Variants in MICOS10 observed in about 807,000 individuals in gnomAD.
The protein encoded by MICOS10 is mitochondrial contact site and cristae organizing system subunit 10, also known as MICOS complex subunit MIC10.
Under a neutral mutation model 13.4 loss-of-function variants are expected in MICOS10, and 5 were observed. That is an observed-to-expected ratio of 0.37 (90% CI 0.20 to 0.78). The LOEUF (loss-of-function observed/expected upper bound fraction) is 0.78, where lower values mean the gene tolerates loss of function less well. Ranked by LOEUF, MICOS10 falls within the 30% of genes least tolerant of loss-of-function variation. MICOS10 has a pLI of 0.47. For missense variants in MICOS10, 101 were observed against 94.6 expected, an observed-to-expected ratio of 1.07 and a Z score of -0.28; for synonymous variants, 35 against 33.6, an observed-to-expected ratio of 1.04 and a Z score of -0.15.
rs1399684641 is a variant in MICOS10, at chr1:19,628,928, C to G, written c.*2527C>G. On this transcript the variant is annotated 3_prime_UTR_variant, in exon 4 of 4. Coordinates refer to ENST00000322753, the MANE Select transcript of MICOS10 (RefSeq NM_001032363.4). ...ATGGATCCCTTTGGCACCTTGGAAG[C>G]ACCACTGAAGTGCTCTGAGAAAGGG... 6.6e-6 allele frequency: 1 copy of G among 152,258 alleles called. No homozygotes were observed. Among genetic ancestry groups the G allele is most frequent in the East Asian group, 1.9e-4 (1 of 5,198 alleles). The allele number at this position is 152,258 out of a possible 1,614,324, so 9.4% of individuals were successfully genotyped here.
chr1:19,606,302 A>C (rs1278274713), intron 1 of MICOS10, among the ~76,000 whole-genome samples: 1 of 151,602 alleles, frequency 6.6e-6, no homozygotes, highest in Non-Finnish European at 1.5e-5. Flanking sequence ...CAGAGAGGGG[A>C]ATAACATTTT....
chr1:19,624,865 C>T (rs968867186), intron 3 of MICOS10, among the ~76,000 whole-genome samples: 2 of 152,110 alleles, frequency 1.3e-5, no homozygotes, highest in Admixed American at 6.5e-5. Flanking sequence ...GAGGTAAGTG[C>T]CGATGGCCTC....
chr1:19,622,525 T>G (rs1436116655), intron 2 of MICOS10, among the ~76,000 whole-genome samples: 1 of 152,228 alleles, frequency 6.6e-6, no homozygotes, highest in East Asian at 1.9e-4. Flanking sequence ...TAGAAACAAG[T>G]AGACCAGAAA....
At chr1:19,607,793 G>A (rs2094840968) in intron 1 of MICOS10, among the ~76,000 whole-genome samples, 1 of 152,200 alleles carries the variant, frequency 6.6e-6, no homozygotes, top group African/African-American at 2.4e-5. Context: ...GAACAAAGTT[G>A]AGATTCTTGT....
chr1:19,614,678 T>C (rs1339934946), intron 1 of MICOS10: 23 of 152,272 alleles, frequency 1.5e-4, no homozygotes, highest in Admixed American at 1.5e-3. Context: ...ATGCTCTTCC[T>C]TTCCAAGCAA....
At chr1:19,612,137 G>A (rs1245970520) in intron 1 of MICOS10, among the ~76,000 whole-genome samples, 2 of 151,084 alleles carry the variant, frequency 1.3e-5, no homozygotes, top group Non-Finnish European at 2.9e-5. Flanking sequence ...CTGCCTTCTG[G>A]GTTCACGCCA....
Position 19,627,295 on chromosome 1 carries a change from T to C in MICOS10, c.*894T>C, listed in dbSNP as rs764710578. The C allele has an allele frequency of 2.6e-5, 4 of 152,220 alleles. No individual in the cohort carries two copies. Among genetic ancestry groups the C allele is most frequent in the South Asian group, 2.1e-4 (1 of 4,828 alleles). 9.4% of individuals were successfully genotyped at this position (152,220 alleles called of 1,614,324 possible). ...GAACCCCAGCGCTCAGCCGTTCTTA[T>C]TTCTTTTTCCTTATCGTAGAATTAA... On this transcript the variant is annotated 3_prime_UTR_variant, in exon 4 of 4. Coordinates refer to ENST00000322753, the MANE Select transcript of MICOS10 (RefSeq NM_001032363.4).
rs948759097 is a variant in MICOS10, at chr1:19,619,121, A to T, written c.65-2979A>T. On this transcript the variant is annotated intron_variant, in intron 1 of 3. Transcript: ENST00000322753. ...CTATTATAGAAATATTTCAAAGTGA[A>T]TTTCTGTTTCTGTTCCTCTTCAGTG... 2.6e-5 allele frequency among the ~76,000 whole-genome samples: 4 copies of T among 152,270 alleles called. No homozygotes were observed. The South Asian group carries it at 8.3e-4, about 32-fold the overall frequency.
At chr1:19,601,272 T>C (rs2094813803) in intron 1 of MICOS10, 2 of 316,404 alleles carry the variant, frequency 6.3e-6, no homozygotes, top group Admixed American at 7.9e-5. Flanking sequence ...TTGCCCCCAT[T>C]ACTATCTTAA....
intron 1 of MICOS10, among the ~76,000 whole-genome samples, chr1:19,612,913 G>T (rs1208576302): frequency 6.6e-6 from 1 of 152,188 alleles, no homozygotes; most frequent in African/African-American, 2.4e-5. Context: ...TGCCTTTTCT[G>T]TTTATCTTTG....
At chr1:19,623,790 T>C in intron 3 of MICOS10, 1 of 504,622 alleles carries the variant, frequency 2.0e-6, no homozygotes, top group Non-Finnish European at 3.5e-6. Flanking sequence ...CGTATGTACG[T>C]TCAGATATAT....
At chr1:19,597,336 GC>G (rs1213395797) in intron 1 of MICOS10, among the ~76,000 whole-genome samples, 19 of 152,200 alleles carry the variant, frequency 1.2e-4, no homozygotes, top group African/African-American at 4.3e-4. Context: ...TGGAGTTGCA[GC>G]CCGGAGGAGG....
chr1:19,602,143 A>G (rs1002400122), intron 1 of MICOS10, among the ~76,000 whole-genome samples: 2 of 152,212 alleles, frequency 1.3e-5, no homozygotes, highest in Non-Finnish European at 2.9e-5. Flanking sequence ...CATAAGAACC[A>G]GAGGCTGTTG....
intron 3 of MICOS10, 150 bp from the exon 4 acceptor site, chr1:19,626,237 G>A: frequency 1.2e-6 from 1 of 829,444 alleles, no homozygotes; most frequent in Non-Finnish European, 2.0e-6. Flanking sequence ...TAGGTAGGGT[G>A]TACATAGTCC....
At chr1:19,620,182 T>G (rs75468773) in intron 1 of MICOS10, among the ~76,000 whole-genome samples, 1 of 152,274 alleles carries the variant, frequency 6.6e-6, no homozygotes, top group Non-Finnish European at 1.5e-5. Context: ...CTTTTCCATG[T>G]TGGTTTGTTT....
intron 1 of MICOS10, among the ~76,000 whole-genome samples, chr1:19,611,575 G>T (rs1342441449): frequency 6.8e-6 from 1 of 147,102 alleles, no homozygotes; most frequent in African/African-American, 2.5e-5. Flanking sequence ...CTGGACTCCA[G>T]TGACGTCCTG....
At position 19,597,078 on chromosome 1, in the gene MICOS10, C is replaced by T. The variant is rs2094794366; in HGVS notation, c.33C>T (p.Asp11=). The change falls in exon 1 of 4, where the codon GAC becomes GAT. Residue 11 remains aspartate, a synonymous_variant. Coordinates refer to ENST00000322753, the MANE Select transcript of MICOS10 (RefSeq NM_001032363.4). The part of the protein sequence containing the change: MSESELGRKW[D]RCLADAVVKI... ...AGTCGGAGCTCGGCAGGAAGTGGGA[C>T]CGGTGTCTGGCGGATGCGGTCGTGA... 1.3e-6 allele frequency: 2 copies of T among 1,598,592 alleles called. No homozygotes were observed. Among genetic ancestry groups the T allele is most frequent in the East Asian group, 2.3e-5 (1 of 42,668 alleles).
Position 19,599,350 on chromosome 1 carries a change from C to T in MICOS10, c.64+2241C>T, listed in dbSNP as rs190698696. 1.3e-3 allele frequency among the ~76,000 whole-genome samples: 202 copies of T among 152,306 alleles called. 2 individuals are homozygous for T. The highest frequency in any genetic ancestry group is 4.0e-3 in the African/African-American group (167 of 41,566). On this transcript the variant is annotated intron_variant, in intron 1 of 3. Coordinates refer to ENST00000322753, the MANE Select transcript of MICOS10 (RefSeq NM_001032363.4). ...GGCATTACAAGCTTGAGCCACTGCA[C>T]CCAGCCAATAGTTGTTGATATTAAT... is the stretch of plus-strand genomic sequence containing the variant.
At chr1:19,611,143 G>A (rs915754221) in intron 1 of MICOS10, among the ~76,000 whole-genome samples, 27 of 151,976 alleles carry the variant, frequency 1.8e-4, no homozygotes, top group African/African-American at 6.5e-4. Context: ...GTAGAGACAG[G>A]GTTTCACCAT....
Sources: gnomAD v4.1 joint callset for allele counts (sites outside exome capture counted in the v4.1 genomes callset) on GRCh38, gnomAD v4.1.1 for gene constraint, MANE v1.5 for transcripts, NCBI Gene and HGNC (gene_info 2026-07-23, HGNC 2026-07-21) for gene names.